KMT2C: variants seen among roughly 807,000 people sequenced by gnomAD.
KMT2C encodes histone-lysine N-methyltransferase 2C.
A neutral mutation model predicts 507.9 loss-of-function variants in KMT2C; 88 were observed. The ratio of observed to expected loss-of-function variants is 0.17; its 90% confidence interval spans 0.15 to 0.21. The LOEUF is 0.21. Ranked by LOEUF, KMT2C falls within the 10% of genes least tolerant of loss-of-function variation. The probability of loss-of-function intolerance (pLI) is 1.00; values close to 1 mark genes in which losing one functional copy is unlikely to be tolerated. For missense variants in KMT2C, 4,954 were observed against 5,957.8 expected (o/e 0.83, Z 5.55); for synonymous variants, 2,049 against 2,080.8 (o/e 0.98, Z 0.42).
At chr7:152,199,032 T>C (rs1310932289) in intron 27 of KMT2C, among the ~76,000 whole-genome samples, 1 of 152,188 alleles carries the variant, frequency 6.6e-6, no homozygotes, top group African/African-American at 2.4e-5. Flanking sequence ...CTCAGCAAAG[T>C]GTAAACCAAA....
rs762570191 is a variant in KMT2C at position 152,224,136 on chromosome 7, T to C, written c.3202A>G (p.Arg1068Gly). The C allele has an allele frequency of 6.2e-7, 1 of 1,608,692 alleles. No individual in the cohort carries two copies. Among genetic ancestry groups the C allele is most frequent in the Non-Finnish European group, 8.5e-7 (1 of 1,176,864 alleles). Residue 1068 changes from arginine (R) to glycine (G), a missense_variant, in exon 20 of 59, where the codon AGA becomes GGA. Physicochemically the swap from Arg to Gly is moderately radical, Grantham distance 125. Transcript: ENST00000262189. ...GTGTAATTGTTCTGCCATTCACATCTTAGACCTGCAGATGTTGCTCCACAG... is the reference window on the plus strand; with the variant it reads ...GTGTAATTGTTCTGCCATTCACATCCTAGACCTGCAGATGTTGCTCCACAG... ...RHCGATSAGL[R>G]CEWQNNYTQC...
chr7:152,336,188 T>A (rs920662457), intron 2 of KMT2C, among the ~76,000 whole-genome samples: 2 of 152,118 alleles, frequency 1.3e-5, no homozygotes, highest in Non-Finnish European at 2.9e-5. Context: ...TAGCAGTAAT[T>A]CCTGCCACAA....
At chr7:152,368,136 C>A in intron 1 of KMT2C, 2 of 931,258 alleles carry the variant, frequency 2.1e-6, no homozygotes, top group South Asian at 2.6e-5. Context: ...GCAAAAGGGT[C>A]AAAGGAAGGC....
At chr7:152,298,804 A>G (rs2129191612) in intron 6 of KMT2C, among the ~76,000 whole-genome samples, 1 of 152,350 alleles carries the variant, frequency 6.6e-6, no homozygotes, top group Non-Finnish European at 1.5e-5. Flanking sequence ...AAAATATTAC[A>G]GAGTTTATAA....
rs1319381877 is a variant in KMT2C at position 152,252,606 on chromosome 7, C to T, written c.1409G>A (p.Cys470Tyr). Residue 470 changes from cysteine (C) to tyrosine (Y), a missense_variant, in exon 10 of 59, where the codon TGT becomes TAT. Cys to Tyr is a radical substitution (Grantham distance 194, BLOSUM62 -2). This residue lies in a region of KMT2C where 376 missense variants were observed against 352.4 expected (regional missense o/e 1.07). Transcript: ENST00000262189. ...YQQQDNLCPFCGKCYHPELQK... is the reference protein window; with the variant it reads ...YQQQDNLCPFYGKCYHPELQK... Reference sequence around the variant, plus strand: ...CAATTCTGGATGATAACACTTCCCACAGAAGGGACATAAGTTATCCTGCTG... The same window carrying T: ...CAATTCTGGATGATAACACTTCCCATAGAAGGGACATAAGTTATCCTGCTG... 1.9e-6 allele frequency: 3 copies of T among 1,613,678 alleles called. No individual in the cohort carries two copies. The Admixed American group carries it at 5.0e-5, about 27-fold the overall frequency.
At chr7:152,208,051 A>G (rs2094354615) in intron 23 of KMT2C, among the ~76,000 whole-genome samples, 1 of 152,256 alleles carries the variant, frequency 6.6e-6, no homozygotes, top group Admixed American at 6.5e-5. Context: ...ACATGCTCCT[A>G]TCTAGTTCCC....
At chr7:152,175,047 T>G (rs1359640262) in intron 38 of KMT2C, among the ~76,000 whole-genome samples, 5 of 152,192 alleles carry the variant, frequency 3.3e-5, no homozygotes, top group Admixed American at 3.3e-4. Flanking sequence ...ACAATTAGTT[T>G]CTATTAAACA....
At chr7:152,329,403 A>C (rs566219385) in intron 3 of KMT2C, among the ~76,000 whole-genome samples, 7 of 150,158 alleles carry the variant, frequency 4.7e-5, no homozygotes, top group Admixed American at 6.7e-5. Context: ...AGTCTCTACC[A>C]AAAAAAAAGC....
chr7:152,435,587 C>T (rs2097910492), intron 1 of KMT2C, 39 bp downstream of exon 1: 5 of 1,342,464 alleles, frequency 3.7e-6, no homozygotes, highest in Admixed American at 5.9e-5. Flanking sequence ...CCCGGCGCCG[C>T]CGCTGGCTCC....
intron 9 of KMT2C, among the ~76,000 whole-genome samples, chr7:152,254,085 A>G (rs1179987274): frequency 1.3e-5 from 2 of 152,212 alleles, no homozygotes; most frequent in East Asian, 3.8e-4. Context: ...AGCTAGTCTT[A>G]AAGATTAAAA....
At chr7:152,435,360 G>A (rs1468382246) in intron 1 of KMT2C, among the ~76,000 whole-genome samples, 1 of 151,752 alleles carries the variant, frequency 6.6e-6, no homozygotes, top group Non-Finnish European at 1.5e-5. Flanking sequence ...AAGACCCAGT[G>A]AAAAGGCCCG....
chr7:152,354,947 T>C (rs2097140725), intron 2 of KMT2C, among the ~76,000 whole-genome samples: 1 of 152,176 alleles, frequency 6.6e-6, no homozygotes, highest in Non-Finnish European at 1.5e-5. Flanking sequence ...TCACTCTGGC[T>C]ACTATGTGTG....
chr7:152,193,017 A>C (rs1458927598), intron 31 of KMT2C, among the ~76,000 whole-genome samples: 1 of 152,110 alleles, frequency 6.6e-6, no homozygotes, highest in Non-Finnish European at 1.5e-5. Context: ...TCTGCAAAAA[A>C]TCAAAAAATT....
chr7:152,218,408 C>G (rs997965895), intron 23 of KMT2C, among the ~76,000 whole-genome samples: 2 of 152,102 alleles, frequency 1.3e-5, no homozygotes, highest in Admixed American at 1.3e-4. Flanking sequence ...AGGTGATCCA[C>G]CCGCCTTGGC....
chr7:152,135,334 C>A lies in KMT2C; in HGVS notation c.*1498G>T, dbSNP rs980113228. The A allele has an allele frequency of 4.6e-6, 1 of 215,956 alleles. No individual in the cohort carries two copies. Among genetic ancestry groups the A allele is most frequent in the Non-Finnish European group, 9.3e-6 (1 of 106,982 alleles). 13.4% of individuals were successfully genotyped at this position (215,956 alleles called of 1,614,324 possible). A position where few individuals can be genotyped will look rare whatever the true frequency, so the allele number is the denominator to read the frequency against. ...AGTGTCAGTACCAGAATTTTAAGTACAAAATAAAAAGCTAACCTGGTTCAA... is the reference window on the plus strand; with the variant it reads ...AGTGTCAGTACCAGAATTTTAAGTAAAAAATAAAAAGCTAACCTGGTTCAA... On this transcript the variant is annotated 3_prime_UTR_variant, in exon 59 of 59. Transcript: ENST00000262189.
chr7:152,370,645 A>G (rs2097286886), intron 1 of KMT2C, among the ~76,000 whole-genome samples: 1 of 152,210 alleles, frequency 6.6e-6, no homozygotes, highest in Non-Finnish European at 1.5e-5. Flanking sequence ...TCAGGAACAT[A>G]AGAAGAGTAA....
chr7:152,377,744 A>T (rs1273096248), intron 1 of KMT2C, among the ~76,000 whole-genome samples: 1 of 148,790 alleles, frequency 6.7e-6, no homozygotes, highest in Non-Finnish European at 1.5e-5. Flanking sequence ...CAAAAAAAAA[A>T]AAAAAAAAAA....
intron 6 of KMT2C, among the ~76,000 whole-genome samples, chr7:152,295,870 T>G (rs1203431126): frequency 6.6e-6 from 1 of 151,064 alleles, no homozygotes; most frequent in Non-Finnish European, 1.5e-5. Context: ...ATCGAGACCA[T>G]CCTAGCTAAC....
chr7:152,417,266 C>T (rs2097748837), intron 1 of KMT2C, among the ~76,000 whole-genome samples: 1 of 151,862 alleles, frequency 6.6e-6, no homozygotes, highest in African/African-American at 2.4e-5. Flanking sequence ...TTACAGGTGC[C>T]CACCACCATG....
Sources: gnomAD v4.1 joint callset for allele counts (sites outside exome capture counted in the v4.1 genomes callset) on GRCh38, gnomAD v4.1.1 for gene constraint, gnomAD v4.1.1 regional missense constraint, MANE v1.5 for transcripts, NCBI Gene and HGNC (gene_info 2026-07-23, HGNC 2026-07-21) for gene names.